Variants in CALCR observed in about 807,000 individuals in gnomAD.
The protein encoded by CALCR is calcitonin receptor.
In CALCR, 47 loss-of-function variants were observed where a neutral mutation model predicts 59.5. That is an observed-to-expected ratio of 0.79 (90% confidence interval 0.63 to 1.01). The LOEUF (loss-of-function observed/expected upper bound fraction) is 1.01, where lower values mean the gene tolerates loss of function less well. Ranked by LOEUF, CALCR falls within the 50% of genes least tolerant of loss-of-function variation. CALCR has a pLI of 0.00. For missense variants in CALCR, 566 were observed against 597.1 expected (o/e 0.95, Z 0.54); for synonymous variants, 213 against 211.3 (o/e 1.01, Z -0.07).
chr7:93,479,266 T>C (rs2115888707), intron 4 of CALCR, 88 bp downstream of exon 4: 1 of 1,324,088 alleles, frequency 7.6e-7, no homozygotes, highest in East Asian at 2.4e-5. Flanking sequence ...GCATATTAAA[T>C]TAAAATTATT....
chr7:93,564,555 C>T (rs1010822983), intron 2 of CALCR, among the ~76,000 whole-genome samples: 3 of 152,016 alleles, frequency 2.0e-5, no homozygotes, highest in Non-Finnish European at 2.9e-5. Flanking sequence ...CGGGTTCAAG[C>T]GATTCTCCTG....
intron 2 of CALCR, among the ~76,000 whole-genome samples, chr7:93,533,018 T>C (rs903887850): frequency 1.3e-5 from 2 of 151,922 alleles, no homozygotes; most frequent in African/African-American, 4.8e-5. Flanking sequence ...AAAAATAACC[T>C]GAAGACTAAC....
intron 8 of CALCR, among the ~76,000 whole-genome samples, chr7:93,457,579 T>C (rs1204668637): frequency 6.6e-6 from 1 of 152,142 alleles, no homozygotes; most frequent in Non-Finnish European, 1.5e-5. Flanking sequence ...CCCAGATCAA[T>C]GTAGTTGATT....
intron 2 of CALCR, among the ~76,000 whole-genome samples, chr7:93,542,719 T>A (rs377603032): frequency 6.6e-6 from 1 of 152,026 alleles, no homozygotes; most frequent in Non-Finnish European, 1.5e-5. Context: ...TTTTATAAGA[T>A]TTTTTAAATT....
chr7:93,564,218 G>C (rs1377196561), intron 2 of CALCR, among the ~76,000 whole-genome samples: 1 of 152,076 alleles, frequency 6.6e-6, no homozygotes, highest in Non-Finnish European at 1.5e-5. Context: ...CTACCAGAAA[G>C]AGAGCACTTT....
Position 93,472,483 on chromosome 7 carries a change from C to T in CALCR, c.321G>A (p.Lys107=), listed in dbSNP as rs202163946. The change falls in exon 6 of 14, where the codon AAG becomes AAA. Residue 107 remains lysine, a synonymous_variant. Transcript: ENST00000426151. ...CTTTTTCATCACAGTATTTTGTAAC[C>T]TTTTCTGTTAATGAAACATAACAGT... ...DYFPDFDPSE[K]VTKYCDEKGV... 13 of 1,569,262 alleles carry T rather than the reference C, an allele frequency of 8.3e-6. No individual in the cohort carries two copies. The highest frequency in any genetic ancestry group is 1.7e-5 in the Admixed American group (1 of 59,206).
intron 13 of CALCR, among the ~76,000 whole-genome samples, chr7:93,428,662 C>T (rs953997652): frequency 6.6e-6 from 1 of 151,796 alleles, no homozygotes; most frequent in African/African-American, 2.4e-5. Flanking sequence ...TAGCCGGCGC[C>T]TGTAGTCCCA....
intron 7 of CALCR, among the ~76,000 whole-genome samples, chr7:93,466,830 C>A (rs1800449665): frequency 6.6e-6 from 1 of 151,584 alleles, no homozygotes; most frequent in Non-Finnish European, 1.5e-5. Flanking sequence ...TGCCCTTGTG[C>A]CACACTTTAA....
At chr7:93,476,429 GT>G (rs1348635021) in intron 5 of CALCR, among the ~76,000 whole-genome samples, 2 of 151,756 alleles carry the variant, frequency 1.3e-5, no homozygotes, top group African/African-American at 4.8e-5. Context: ...AGTTTGGTAT[GT>G]GTGTGTATGT....
chr7:93,449,950 G>C (rs1419424814), intron 8 of CALCR, among the ~76,000 whole-genome samples: 3 of 151,988 alleles, frequency 2.0e-5, no homozygotes, highest in Non-Finnish European at 4.4e-5. Flanking sequence ...TGGTCAAACA[G>C]GTGTTTCCCT....
At chr7:93,522,867 T>C (rs1470866222) in intron 2 of CALCR, among the ~76,000 whole-genome samples, 2 of 152,192 alleles carry the variant, frequency 1.3e-5, no homozygotes, top group African/African-American at 4.8e-5. Context: ...GTTATGCCAC[T>C]GGCAAACCTT....
chr7:93,522,346 T>G (rs1465493312), intron 2 of CALCR, among the ~76,000 whole-genome samples: 1 of 152,190 alleles, frequency 6.6e-6, no homozygotes, highest in East Asian at 1.9e-4. Context: ...GAATATTATG[T>G]GATTGTTTGC....
chr7:93,567,287 C>G (rs1349482506), intron 2 of CALCR, among the ~76,000 whole-genome samples: 1 of 152,118 alleles, frequency 6.6e-6, no homozygotes, highest in African/African-American at 2.4e-5. Context: ...CCTCAGTGTG[C>G]AGGAGAAATA....
intron 9 of CALCR, chr7:93,441,388 T>C (rs1470174765): frequency 5.5e-6 from 2 of 360,396 alleles, no homozygotes; most frequent in Admixed American, 3.7e-5. Context: ...TCAACACCAA[T>C]TATTATGATT....
At chr7:93,470,692 T>C (rs1354966084) in intron 6 of CALCR, among the ~76,000 whole-genome samples, 3 of 151,686 alleles carry the variant, frequency 2.0e-5, no homozygotes, top group Non-Finnish European at 4.4e-5. Context: ...CAAATTTTAA[T>C]GTGACTATAT....
chr7:93,460,138 C>A (rs770868531), intron 8 of CALCR, among the ~76,000 whole-genome samples: 2 of 152,102 alleles, frequency 1.3e-5, no homozygotes, highest in African/African-American at 2.4e-5. Context: ...ACACCTGTAA[C>A]CATTTGTGGC....
chr7:93,443,663 AT>A lies in CALCR; in HGVS notation c.742del (p.Ile248LeufsTer44), dbSNP rs1298085364. On this transcript the variant is annotated frameshift_variant, in exon 9 of 14. Transcript: ENST00000426151. LOFTEE classifies it high-confidence loss of function. ...CTTCTCAGTAAACACAGCCACGACA[AT>A]GAGTGTATGAAGATAGATCCCTTCA... ...LCEGIYLHTLIVVAVFTEKQR... is the reference protein window; with the variant it reads ...LCEGIYLHTLXVVAVFTEKQR... 6.2e-7 allele frequency: 1 copy of A among 1,613,350 alleles called. No individual in the cohort carries two copies. Among genetic ancestry groups the A allele is most frequent in the African/African-American group, 1.3e-5 (1 of 74,886 alleles).
At chr7:93,434,508 C>T (rs772105843) in intron 12 of CALCR, among the ~76,000 whole-genome samples, 134 of 151,210 alleles carry the variant, frequency 8.9e-4, no homozygotes, top group African/African-American at 6.3e-4. Flanking sequence ...GCTAGAAGGA[C>T]GGATTAATAT....
chr7:93,496,912 A>G (rs1439603963), intron 2 of CALCR, among the ~76,000 whole-genome samples: 1 of 151,660 alleles, frequency 6.6e-6, no homozygotes, highest in Non-Finnish European at 1.5e-5. Flanking sequence ...TTCTGTTTGG[A>G]TAACTCCTTG....
Sources: gnomAD v4.1 joint callset for allele counts (sites outside exome capture counted in the v4.1 genomes callset) on GRCh38, gnomAD v4.1.1 for gene constraint, MANE v1.5 for transcripts, NCBI Gene and HGNC (gene_info 2026-07-23, HGNC 2026-07-21) for gene names.